The following BBS9 variants were observed in gnomAD, a reference collection of about 807,000 sequenced individuals.
The protein encoded by BBS9 is Bardet-Biedl syndrome 9.
A neutral mutation model predicts 117.7 loss-of-function variants in BBS9; 89 were observed. The ratio of observed to expected loss-of-function variants is 0.76; its 90% CI spans 0.64 to 0.90. The LOEUF is 0.90. BBS9 is among the 40% of genes least tolerant of loss of function. BBS9 has a pLI of 0.00. For missense variants in BBS9, 982 were observed against 1,042.2 expected, an observed-to-expected ratio of 0.94 and a Z score of 0.80; for synonymous variants, 379 against 370.9, an observed-to-expected ratio of 1.02 and a Z score of -0.25.
At chr7:33,528,411 T>C (rs530249302) in intron 20 of BBS9, among the ~76,000 whole-genome samples, 52 of 152,334 alleles carry the variant, frequency 3.4e-4, no homozygotes, top group African/African-American at 9.9e-4. Context: ...TAAATGTTAC[T>C]GTGGCATTTT....
At chr7:33,339,584 G>A (rs557107663) in intron 10 of BBS9, among the ~76,000 whole-genome samples, 1 of 152,310 alleles carries the variant, frequency 6.6e-6, no homozygotes, top group South Asian at 2.1e-4. Context: ...TCCTCAGAGT[G>A]TGGGGAATGT....
chr7:33,599,863 T>C (rs1172908070), intron 21 of BBS9, among the ~76,000 whole-genome samples: 1 of 152,130 alleles, frequency 6.6e-6, no homozygotes, highest in African/African-American at 2.4e-5. Flanking sequence ...CCCTTAATTA[T>C]ATTCCACCTA....
chr7:33,377,070 C>T lies in BBS9; in HGVS notation c.1790-6596C>T, dbSNP rs185792972. Reference sequence around the variant, plus strand: ...GTTTAATTAGATCCCATTTGTCATACTTGCTTTTGTTGCAATTGCTTTTGG... The same window carrying T: ...GTTTAATTAGATCCCATTTGTCATATTTGCTTTTGTTGCAATTGCTTTTGG... On this transcript the variant is annotated intron_variant, in intron 17 of 22. Transcript: ENST00000242067. 1.6e-3 allele frequency among the ~76,000 whole-genome samples: 245 copies of T among 152,114 alleles called. 1 individual carries two copies. The highest frequency in any genetic ancestry group is 2.5e-3 in the Non-Finnish European group (172 of 67,946).
chr7:33,455,771 T>C (rs1015541680), intron 19 of BBS9, among the ~76,000 whole-genome samples: 5 of 152,176 alleles, frequency 3.3e-5, no homozygotes, highest in African/African-American at 1.2e-4. Context: ...CTACAGAGGA[T>C]TGTATTAATA....
At chr7:33,450,655 G>A (rs1400390743) in intron 19 of BBS9, among the ~76,000 whole-genome samples, 2 of 152,016 alleles carry the variant, frequency 1.3e-5, no homozygotes, top group East Asian at 3.8e-4. Context: ...ATGCGTCTTG[G>A]CCATTTGCAT....
chr7:33,558,357 G>C (rs774434753), intron 21 of BBS9, among the ~76,000 whole-genome samples: 1 of 152,138 alleles, frequency 6.6e-6, no homozygotes, highest in Non-Finnish European at 1.5e-5. Flanking sequence ...GTGGGGGCAC[G>C]TGAGGTGAGG....
At chr7:33,254,487 A>G (rs1027317263) in intron 5 of BBS9, among the ~76,000 whole-genome samples, 1 of 152,200 alleles carries the variant, frequency 6.6e-6, no homozygotes, top group African/African-American at 2.4e-5. Context: ...TAATATTAGT[A>G]TGGATCACTT....
chr7:33,142,136 T>C (rs1791572959), intron 1 of BBS9, among the ~76,000 whole-genome samples: 1 of 152,156 alleles, frequency 6.6e-6, no homozygotes, highest in Admixed American at 6.5e-5. Flanking sequence ...TTAGCCAAGA[T>C]GGTTTTGATC....
intron 9 of BBS9, among the ~76,000 whole-genome samples, chr7:33,299,120 A>G (rs1462530189): frequency 1.3e-5 from 2 of 152,188 alleles, no homozygotes; most frequent in Admixed American, 6.5e-5. Flanking sequence ...CATGCAACCA[A>G]TCTAGCTATC....
intron 19 of BBS9, among the ~76,000 whole-genome samples, chr7:33,432,627 T>A (rs1031644420): frequency 3.3e-5 from 5 of 152,178 alleles, no homozygotes; most frequent in African/African-American, 1.2e-4. Context: ...GAAGAAATAA[T>A]TTAGCAGATA....
chr7:33,580,233 T>C (rs895346991), intron 21 of BBS9, among the ~76,000 whole-genome samples: 6 of 151,836 alleles, frequency 4.0e-5, no homozygotes, highest in African/African-American at 1.5e-4. Flanking sequence ...CGGTACCCTC[T>C]TCACTAGATG....
At chr7:33,450,249 A>G (rs1271789682) in intron 19 of BBS9, among the ~76,000 whole-genome samples, 1 of 152,220 alleles carries the variant, frequency 6.6e-6, no homozygotes, top group Non-Finnish European at 1.5e-5. Context: ...TATATATGCC[A>G]TACCCTAGTT....
At chr7:33,373,821 A>G (rs1459015352) in intron 17 of BBS9, among the ~76,000 whole-genome samples, 2 of 152,204 alleles carry the variant, frequency 1.3e-5, no homozygotes, top group Non-Finnish European at 2.9e-5. Context: ...GCTTTCAGGT[A>G]TAATAGAAGG....
At chr7:33,454,823 G>A (rs1284949556) in intron 19 of BBS9, among the ~76,000 whole-genome samples, 3 of 152,104 alleles carry the variant, frequency 2.0e-5, no homozygotes, top group Non-Finnish European at 4.4e-5. Context: ...AGAAGGGAAG[G>A]TGCAGTCTCT....
At chr7:33,286,898 A>G (rs1399697567) in intron 9 of BBS9, among the ~76,000 whole-genome samples, 2 of 152,156 alleles carry the variant, frequency 1.3e-5, no homozygotes, top group Non-Finnish European at 2.9e-5. Flanking sequence ...GAAAAAGTTT[A>G]TATTTTCTTA....
intron 4 of BBS9, among the ~76,000 whole-genome samples, chr7:33,158,181 T>C (rs1794356445): frequency 6.6e-6 from 1 of 152,234 alleles, no homozygotes; most frequent in East Asian, 1.9e-4. Flanking sequence ...GTAATGGCTT[T>C]GAGTTTAACA....
intron 21 of BBS9, among the ~76,000 whole-genome samples, chr7:33,620,983 G>A (rs1446245963): frequency 6.6e-6 from 1 of 152,090 alleles, no homozygotes; most frequent in Non-Finnish European, 1.5e-5. Context: ...ATACACAATG[G>A]AGAAAATAAA....
At chr7:33,528,232 A>G (rs1849970111) in intron 20 of BBS9, among the ~76,000 whole-genome samples, 2 of 152,184 alleles carry the variant, frequency 1.3e-5, no homozygotes, top group African/African-American at 2.4e-5. Context: ...CATATATGCA[A>G]TGCAACATGG....
At chr7:33,565,801 A>ACCGC (rs1425148294) in intron 21 of BBS9, among the ~76,000 whole-genome samples, 103 of 44,524 alleles carry the variant, frequency 2.3e-3, no homozygotes, top group African/African-American at 0.015. Context: ...ATATATATAT[A>ACCGC]TATATATATA....
Sources: allele counts gnomAD v4.1 joint callset (sites outside exome capture counted in the v4.1 genomes callset), GRCh38; gene constraint gnomAD v4.1.1; transcripts MANE v1.5; gene names NCBI Gene and HGNC (gene_info 2026-07-23, HGNC 2026-07-21).